ANKS1B: variants seen among roughly 807,000 people sequenced by gnomAD.
ANKS1B encodes ankyrin repeat and sterile alpha motif domain containing 1B.
Under a neutral mutation model 148.3 loss-of-function variants are expected in ANKS1B, and 36 were observed. The observed-to-expected ratio is 0.24, with a 90% CI of 0.19 to 0.32. ANKS1B has a LOEUF of 0.32. ANKS1B is among the 10% of genes least tolerant of loss of function. The pLI, the probability that ANKS1B is intolerant of heterozygous loss-of-function variation, is 1.00. For missense variants in ANKS1B, 1,157 were observed against 1,542.6 expected, an observed-to-expected ratio of 0.75 and a Z score of 4.19; for synonymous variants, 542 against 560.8, an observed-to-expected ratio of 0.97 and a Z score of 0.47.
chr12:99,303,873 T>C (rs2082004478), intron 12 of ANKS1B, among the ~76,000 whole-genome samples: 1 of 152,144 alleles, frequency 6.6e-6, no homozygotes, highest in African/African-American at 2.4e-5. Flanking sequence ...AGTGAGAACA[T>C]ATGATGTTTG....
chr12:99,543,407 T>A lies in ANKS1B; in HGVS notation c.1273-38766A>T, dbSNP rs73141641. On this transcript the variant is annotated intron_variant, in intron 9 of 26. Transcript: ENST00000683438. The stretch of plus-strand genomic sequence containing the variant: ...ATAGTGTAACCACTTTGGAAAATAG[T>A]TCGGCAGTTCCTTAAACTGTTAAAT... 5.4e-4 allele frequency among the ~76,000 whole-genome samples: 82 copies of A among 152,274 alleles called. No individual in the cohort carries two copies. In the Middle Eastern group the frequency reaches 0.01, roughly 19 times the overall value.
At chr12:99,444,339 G>A (rs2095600169) in intron 10 of ANKS1B, among the ~76,000 whole-genome samples, 1 of 151,880 alleles carries the variant, frequency 6.6e-6, no homozygotes, top group South Asian at 2.1e-4. Context: ...ACTGAAATTT[G>A]TGCAAAATGG....
At chr12:99,397,310 G>T (rs1000040380) in intron 12 of ANKS1B, among the ~76,000 whole-genome samples, 12 of 152,234 alleles carry the variant, frequency 7.9e-5, no homozygotes, top group Middle Eastern at 3.4e-3. Context: ...TCTATAGTAA[G>T]AAAACTATAG....
chr12:99,185,447 G>T (rs2153869154), intron 14 of ANKS1B, among the ~76,000 whole-genome samples: 1 of 152,228 alleles, frequency 6.6e-6, no homozygotes, highest in South Asian at 2.1e-4. Flanking sequence ...TCATGAAGGT[G>T]GCTGGCAAGA....
chr12:99,396,734 T>C (rs577343914), intron 12 of ANKS1B, among the ~76,000 whole-genome samples: 1 of 152,264 alleles, frequency 6.6e-6, no homozygotes, highest in African/African-American at 2.4e-5. Context: ...CCTAAATTTC[T>C]ATTGCTTTTA....
intron 9 of ANKS1B, among the ~76,000 whole-genome samples, chr12:99,637,259 C>T (rs762945826): frequency 1.3e-5 from 2 of 152,196 alleles, no homozygotes; most frequent in East Asian, 1.9e-4. Flanking sequence ...TTGCCAAGAT[C>T]GTGCCACTGC....
chr12:99,797,555 AAC>A lies in ANKS1B; in HGVS notation c.669+8847_669+8848del, dbSNP rs545573356. Among the ~76,000 whole-genome samples the A allele has an allele frequency of 3.6e-3, 526 of 147,832 alleles. 2 individuals are homozygous for A. The highest frequency in any genetic ancestry group is 0.012 in the African/African-American group (501 of 41,232). The stretch of plus-strand genomic sequence containing the variant: ...TTATTTAAATTAATCATTTAAAAAA[AAC>A]AAAATTTCCAAAATCGATAATCATG... On this transcript the variant is annotated intron_variant, in intron 4 of 26. Coordinates refer to ENST00000683438, the MANE Select transcript of ANKS1B (RefSeq NM_001352186.2).
At chr12:98,791,010 G>A (rs768835352) in intron 22 of ANKS1B, among the ~76,000 whole-genome samples, 6 of 152,184 alleles carry the variant, frequency 3.9e-5, no homozygotes, top group Non-Finnish European at 7.3e-5. Flanking sequence ...GAATAAGATG[G>A]TTGGTGCTCT....
chr12:99,699,263 G>A (rs568253123), intron 8 of ANKS1B, among the ~76,000 whole-genome samples: 22 of 152,260 alleles, frequency 1.4e-4, no homozygotes, highest in African/African-American at 5.3e-4. Flanking sequence ...TGGAAGAGAA[G>A]TCACCATTTT....
intron 12 of ANKS1B, among the ~76,000 whole-genome samples, chr12:99,323,798 G>A (rs1219110404): frequency 6.6e-6 from 1 of 152,160 alleles, no homozygotes; most frequent in South Asian, 2.1e-4. Context: ...TCAATATGTA[G>A]GTAAGAGGTA....
intron 1 of ANKS1B, among the ~76,000 whole-genome samples, chr12:99,868,598 T>C (rs1350991998): frequency 6.6e-6 from 1 of 152,170 alleles, no homozygotes; most frequent in Non-Finnish European, 1.5e-5. Flanking sequence ...GCAAGATTAT[T>C]GGATTTCAGG....
intron 10 of ANKS1B, among the ~76,000 whole-genome samples, chr12:99,453,789 A>T (rs1380950420): frequency 6.6e-6 from 1 of 152,238 alleles, no homozygotes; most frequent in African/African-American, 2.4e-5. Context: ...TTAGACTTTC[A>T]GCCTTGTTTT....
chr12:99,552,946 T>G (rs2097236895), intron 9 of ANKS1B, among the ~76,000 whole-genome samples: 1 of 152,242 alleles, frequency 6.6e-6, no homozygotes, highest in Non-Finnish European at 1.5e-5. Context: ...CACAACCATC[T>G]ATTTTTTTCC....
At chr12:99,729,771 T>A (rs1210954232) in intron 8 of ANKS1B, among the ~76,000 whole-genome samples, 1 of 152,238 alleles carries the variant, frequency 6.6e-6, no homozygotes, top group African/African-American at 2.4e-5. Context: ...AACCCACCCC[T>A]GCTCTAAGCT....
At chr12:99,016,138 C>T (rs12320091) in intron 17 of ANKS1B, among the ~76,000 whole-genome samples, 61,112 of 152,016 alleles carry the variant, frequency 0.4, 12,557 homozygotes, top group South Asian at 0.51. Context: ...GCAGGAAGGA[C>T]AATCTTATAC....
chr12:99,979,088 T>C (rs2095661951), intron 1 of ANKS1B, among the ~76,000 whole-genome samples: 2 of 152,036 alleles, frequency 1.3e-5, no homozygotes, highest in Admixed American at 6.6e-5. Context: ...TTTTTTAAGA[T>C]TTTGCAGCTG....
intron 1 of ANKS1B, among the ~76,000 whole-genome samples, chr12:99,913,826 T>TA (rs796130483): frequency 1.8e-4 from 27 of 148,494 alleles, no homozygotes; most frequent in South Asian, 1.3e-3. Flanking sequence ...TTCATACTGT[T>TA]AAAAAAAAAA....
At chr12:99,092,227 C>T (rs930184682) in intron 15 of ANKS1B, among the ~76,000 whole-genome samples, 4 of 152,144 alleles carry the variant, frequency 2.6e-5, no homozygotes, top group Admixed American at 6.5e-5. Context: ...TGGGTTGACA[C>T]CATCCCCAGA....
intron 14 of ANKS1B, among the ~76,000 whole-genome samples, chr12:99,203,297 TCTTAC>T (rs778981661): frequency 1.3e-5 from 2 of 152,178 alleles, no homozygotes; most frequent in Non-Finnish European, 2.9e-5. Context: ...CTAGAAGTCA[TCTTAC>T]CTTTACTCAT....
Sources: allele counts gnomAD v4.1 joint callset (sites outside exome capture counted in the v4.1 genomes callset), GRCh38; gene constraint gnomAD v4.1.1; transcripts MANE v1.5; gene names NCBI Gene and HGNC (gene_info 2026-07-23, HGNC 2026-07-21).